PPFIBP1: variants seen among roughly 807,000 people sequenced by gnomAD.
PPFIBP1 encodes liprin-beta-1.
PPFIBP1 carries 112 observed loss-of-function variants against 137.8 expected under a neutral mutation model. The ratio of observed to expected loss-of-function variants is 0.81; its 90% CI spans 0.70 to 0.95. The LOEUF (loss-of-function observed/expected upper bound fraction) is 0.95. Ranked by LOEUF, PPFIBP1 falls within the 40% of genes least tolerant of loss-of-function variation. The pLI, the probability that PPFIBP1 is intolerant of heterozygous loss-of-function variation, is 0.00. For synonymous variants in PPFIBP1, 378 were observed against 417.3 expected, an observed-to-expected ratio of 0.91 and a Z score of 1.15; for missense variants, 1,083 against 1,196.6, an observed-to-expected ratio of 0.91 and a Z score of 1.40.
chr12:27,566,302 A>T (rs931037), intron 1 of PPFIBP1, among the ~76,000 whole-genome samples: 149,235 of 152,342 alleles, frequency 0.98, 73,171 homozygotes, highest in East Asian at 1. Flanking sequence ...AGAAAAAACT[A>T]TGTCTCTCAC....
chr12:27,593,783 C>T (rs953625392), intron 2 of PPFIBP1: 14 of 875,048 alleles, frequency 1.6e-5, no homozygotes, highest in African/African-American at 6.8e-5. Flanking sequence ...GGAAGATGTT[C>T]AGTTTGCAAA....
intron 1 of PPFIBP1, among the ~76,000 whole-genome samples, chr12:27,529,939 C>T (rs1944229734): frequency 6.6e-6 from 1 of 152,342 alleles, no homozygotes; most frequent in South Asian, 2.1e-4. Flanking sequence ...CTTTTGCTGG[C>T]ACTTTGTTAT....
At chr12:27,686,294 G>T (rs1044614910) in intron 24 of PPFIBP1, among the ~76,000 whole-genome samples, 4 of 152,072 alleles carry the variant, frequency 2.6e-5, no homozygotes, top group African/African-American at 9.7e-5. Flanking sequence ...TATCAGAAAG[G>T]TGTGTCTAAA....
chr12:27,644,132 A>G (rs1268646250), intron 4 of PPFIBP1, among the ~76,000 whole-genome samples: 1 of 151,888 alleles, frequency 6.6e-6, no homozygotes, highest in Non-Finnish European at 1.5e-5. Context: ...CCTGGAGTGC[A>G]GTGGCGCAAA....
chr12:27,577,743 A>T (rs2136866304), intron 1 of PPFIBP1, among the ~76,000 whole-genome samples: 1 of 152,278 alleles, frequency 6.6e-6, no homozygotes, highest in Non-Finnish European at 1.5e-5. Flanking sequence ...TAAATTGTGG[A>T]CATTTCCCAT....
intron 2 of PPFIBP1, among the ~76,000 whole-genome samples, chr12:27,604,493 G>A (rs1404515681): frequency 2.0e-5 from 3 of 152,132 alleles, no homozygotes; most frequent in African/African-American, 7.2e-5. Context: ...ACCTGCCTGT[G>A]GGCCAAAACC....
At chr12:27,564,561 T>C (rs944176094) in intron 1 of PPFIBP1, among the ~76,000 whole-genome samples, 1 of 152,250 alleles carries the variant, frequency 6.6e-6, no homozygotes, top group Admixed American at 6.5e-5. Context: ...AATTTTTGCA[T>C]GACTAACTTG....
chr12:27,688,714 G>C (rs2061339746), intron 26 of PPFIBP1, among the ~76,000 whole-genome samples: 1 of 152,168 alleles, frequency 6.6e-6, no homozygotes, highest in Non-Finnish European at 1.5e-5. Flanking sequence ...TTGTATTTCT[G>C]CATGTTAATG....
intron 9 of PPFIBP1, among the ~76,000 whole-genome samples, chr12:27,658,072 G>A (rs2059324324): frequency 6.6e-6 from 1 of 151,208 alleles, no homozygotes; most frequent in Non-Finnish European, 1.5e-5. Context: ...AGGAGTTCGA[G>A]GCTGTAGTGA....
Position 27,682,504 on chromosome 12 carries a change from A to G in PPFIBP1, c.2158+6A>G. 2.5e-6 allele frequency: 4 copies of G among 1,609,426 alleles called. No individual in the cohort carries two copies. Among genetic ancestry groups the G allele is most frequent in the Non-Finnish European group, 3.4e-6 (4 of 1,176,220 alleles). ...GGATTTCAACTGGGTCACTAGTAAG[A>G]AGTTTTTATTCTAACAAAATGAAAT... On this transcript the variant is annotated splice_donor_region_variant and intron_variant, in intron 23 of 29. Transcript: ENST00000228425.
At chr12:27,532,817 C>T (rs1944558551) in intron 1 of PPFIBP1, among the ~76,000 whole-genome samples, 2 of 152,042 alleles carry the variant, frequency 1.3e-5, no homozygotes, top group African/African-American at 4.8e-5. Context: ...GCAAATCTTA[C>T]AGGGTTTTAA....
At chr12:27,624,280 T>C (rs182051163) in intron 2 of PPFIBP1, among the ~76,000 whole-genome samples, 3 of 152,350 alleles carry the variant, frequency 2.0e-5, no homozygotes, top group East Asian at 1.9e-4. Context: ...ATCTCACTTA[T>C]TCAGTGACCT....
intron 24 of PPFIBP1, among the ~76,000 whole-genome samples, chr12:27,684,591 C>G (rs1296264397): frequency 6.6e-6 from 1 of 152,132 alleles, no homozygotes; most frequent in African/African-American, 2.4e-5. Context: ...ACCCAAGCCC[C>G]TTACCTTGAT....
chr12:27,558,005 T>C (rs1055892320), intron 1 of PPFIBP1, among the ~76,000 whole-genome samples: 3 of 152,214 alleles, frequency 2.0e-5, no homozygotes, highest in Admixed American at 6.5e-5. Context: ...TTCCTTTATT[T>C]CCAAGAGTCA....
Position 27,689,105 on chromosome 12 carries a change from C to T in PPFIBP1, c.2587C>T (p.His863Tyr). The T allele has an allele frequency of 6.2e-7, 1 of 1,611,306 alleles. No individual in the cohort carries two copies. Among genetic ancestry groups the T allele is most frequent in the Non-Finnish European group, 8.5e-7 (1 of 1,179,390 alleles). The change falls in exon 27 of 30, where the codon CAT (histidine) becomes TAT (tyrosine). Residue 863 changes from histidine to tyrosine, a missense_variant. Physicochemically the swap from His to Tyr is moderately conservative, Grantham distance 83. Coordinates refer to ENST00000228425, the MANE Select transcript of PPFIBP1 (RefSeq NM_003622.4). ...TTTGCTGCGAAGACATTTGGCCACT[C>T]ATTTCAACCTTCTGATTGGGGCTGA... ...KTLLRRHLATHFNLLIGAEAQ... is the reference protein window; with the variant it reads ...KTLLRRHLATYFNLLIGAEAQ...
intron 2 of PPFIBP1, among the ~76,000 whole-genome samples, chr12:27,624,197 G>A (rs530938369): frequency 6.6e-6 from 1 of 152,132 alleles, no homozygotes; most frequent in African/African-American, 2.4e-5. Flanking sequence ...CCTGTACATA[G>A]TTTATGGTTT....
chr12:27,635,229 G>A (rs1437760141), intron 4 of PPFIBP1, 114 bp downstream of exon 4: 25 of 934,520 alleles, frequency 2.7e-5, no homozygotes, highest in Non-Finnish European at 3.3e-6. Context: ...CATGTGCTCC[G>A]ATTTTATTAC....
rs1225277357 is a variant in PPFIBP1 at position 27,676,461 on chromosome 12, AC to A, written c.1447del (p.Leu483PhefsTer45). 1 of 1,567,658 alleles carries A rather than the reference AC, an allele frequency of 6.4e-7. No homozygotes were observed. Among genetic ancestry groups the A allele is most frequent in the African/African-American group, 1.4e-5 (1 of 72,534 alleles). On this transcript the variant is annotated frameshift_variant, in exon 18 of 30. Coordinates refer to ENST00000228425, the MANE Select transcript of PPFIBP1 (RefSeq NM_003622.4). LOFTEE classifies it high-confidence loss of function. ...TCCGGCAGAAAGCAGGCCATTTGGG[AC>A]CCTTCCTCCCAGGCCCCCAGGGCAG... Reference protein sequence around the residue: ...RAPAESRPFGTLPPRPPGQDT... With the variant: ...RAPAESRPFGXLPPRPPGQDT...
At chr12:27,637,179 T>A (rs1469409704) in intron 4 of PPFIBP1, 2 of 152,360 alleles carry the variant, frequency 1.3e-5, no homozygotes, top group South Asian at 2.1e-4. Context: ...CCAATTGGAA[T>A]GTAAGCATCA....
Sources: allele counts gnomAD v4.1 joint callset (sites outside exome capture counted in the v4.1 genomes callset), GRCh38; gene constraint gnomAD v4.1.1; transcripts MANE v1.5; gene names NCBI Gene and HGNC (gene_info 2026-07-23, HGNC 2026-07-21).